Variants in NPAS2 observed in about 807,000 individuals in gnomAD.
The protein encoded by NPAS2 is neuronal PAS domain-containing protein 2.
In NPAS2, 23 loss-of-function variants were observed where a neutral mutation model predicts 107.5. The observed-to-expected ratio is 0.21, with a 90% CI of 0.15 to 0.30. The LOEUF is 0.30. Among genes scored for constraint, NPAS2 ranks in the 10% least tolerant of loss-of-function variants. The pLI, the probability that NPAS2 is intolerant of heterozygous loss-of-function variation, is 1.00. For synonymous variants in NPAS2, 403 were observed against 417.5 expected (o/e 0.97, Z 0.42); for missense variants, 756 against 1,043.3 (o/e 0.72, Z 3.79).
rs2104294544 is a variant in NPAS2, at chr2:100,820,951, T to G, written c.-23+537T>G. ...GGAATCGGTGCCCCCAACCCCCGTG[T>G]GCGCAGACAGCGTGCAGCCTGGCTC... On this transcript the variant is annotated intron_variant, in intron 1 of 20. Coordinates refer to ENST00000335681, the MANE Select transcript of NPAS2 (RefSeq NM_002518.4). This position sits in a 1 kb window ranked among gnomAD's most constrained non-coding sequence, Gnocchi z 5.6. The G allele has an allele frequency of 2.9e-4, 251 of 851,372 alleles. No individual in the cohort carries two copies. Among genetic ancestry groups the G allele is most frequent in the Non-Finnish European group, 3.9e-4 (236 of 609,104 alleles). 52.7% of individuals were successfully genotyped at this position (851,372 alleles called of 1,614,324 possible). A position where few individuals can be genotyped will look rare whatever the true frequency, so the allele number is the denominator to read the frequency against.
intron 1 of NPAS2, among the ~76,000 whole-genome samples, chr2:100,827,027 A>G (rs1000684486): frequency 2.0e-5 from 3 of 152,202 alleles, no homozygotes; most frequent in Non-Finnish European, 4.4e-5. Flanking sequence ...GAGTGTATCG[A>G]TGGTACATGA....
chr2:100,949,726 A>G (rs1675113511), intron 7 of NPAS2, among the ~76,000 whole-genome samples: 1 of 152,174 alleles, frequency 6.6e-6, no homozygotes, highest in Admixed American at 6.5e-5. Flanking sequence ...TTATTCATTT[A>G]TTTATCTTCG....
chr2:100,819,704 C>T (rs906105957), upstream of NPAS2, among the ~76,000 whole-genome samples: 10 of 151,770 alleles, frequency 6.6e-5, no homozygotes, highest in African/African-American at 1.9e-4. This position sits in a 1 kb window ranked among gnomAD's most constrained non-coding sequence, Gnocchi z 5.8. Flanking sequence ...ATTCCTTGTT[C>T]CCCCCGAGTG....
chr2:100,841,161 G>A (rs1009370966), intron 1 of NPAS2, among the ~76,000 whole-genome samples: 4 of 152,148 alleles, frequency 2.6e-5, no homozygotes, highest in African/African-American at 7.2e-5. Context: ...TAGACTGGGC[G>A]CGACAGCTCA....
At chr2:100,956,240 G>C (rs1272495952) in intron 7 of NPAS2, among the ~76,000 whole-genome samples, 1 of 152,060 alleles carries the variant, frequency 6.6e-6, no homozygotes, top group Non-Finnish European at 1.5e-5. Flanking sequence ...TACATGTGCA[G>C]GTCTGTCACA....
At chr2:100,975,214 C>G (rs1676898658) in intron 13 of NPAS2, 1 of 572,422 alleles carries the variant, frequency 1.7e-6, no homozygotes, top group Non-Finnish European at 3.1e-6. Flanking sequence ...TCTGGGGAGG[C>G]GTCTGATCAG....
Position 100,968,787 on chromosome 2 carries a change from C to T in NPAS2, c.1055+359C>T, listed in dbSNP as rs138042850. 1.3e-5 allele frequency among the ~76,000 whole-genome samples: 2 copies of T among 152,214 alleles called. No individual in the cohort carries two copies. The highest frequency in any genetic ancestry group is 2.1e-4 in the South Asian group (1 of 4,828). Reference sequence around the variant, plus strand: ...ATCCAGCCCACAGCCTTCCCTTGTTCCTGCTTTGAGTAGAAAATTTAAATT... The same window carrying T: ...ATCCAGCCCACAGCCTTCCCTTGTTTCTGCTTTGAGTAGAAAATTTAAATT... On this transcript the variant is annotated intron_variant, in intron 11 of 20. Transcript: ENST00000335681. The surrounding 1 kb of genome is among the most constrained non-coding windows in gnomAD (Gnocchi z 5.3).
chr2:100,934,314 C>CT (rs11380504), intron 4 of NPAS2, among the ~76,000 whole-genome samples: 50,287 of 147,198 alleles, frequency 0.34, 9,507 homozygotes, highest in East Asian at 0.67. Context: ...GTAGCACAAC[C>CT]TTTTTTTTTT....
At chr2:100,979,839 A>C (rs145882068) in intron 15 of NPAS2, among the ~76,000 whole-genome samples, 4 of 152,098 alleles carry the variant, frequency 2.6e-5, no homozygotes, top group African/African-American at 9.7e-5. Context: ...CAATAACTAT[A>C]TTCTTTAAGA....
intron 1 of NPAS2, among the ~76,000 whole-genome samples, chr2:100,873,740 G>C (rs1403600343): frequency 6.6e-6 from 1 of 152,090 alleles, no homozygotes; most frequent in Non-Finnish European, 1.5e-5. Context: ...AGTGGATTAG[G>C]ATTGCAGTTT....
At chr2:100,911,219 T>C (rs1402307432) in intron 2 of NPAS2, among the ~76,000 whole-genome samples, 1 of 152,130 alleles carries the variant, frequency 6.6e-6, no homozygotes, top group Non-Finnish European at 1.5e-5. Flanking sequence ...AAAAACATAG[T>C]GGCAAGAAAA....
chr2:100,934,413 G>A (rs1432396348), intron 4 of NPAS2, among the ~76,000 whole-genome samples: 5 of 151,952 alleles, frequency 3.3e-5, no homozygotes, highest in Non-Finnish European at 1.5e-5. Flanking sequence ...GCTAGAAGAC[G>A]GGACTGAGAT....
intron 1 of NPAS2, among the ~76,000 whole-genome samples, chr2:100,904,073 G>A (rs1407371819): frequency 6.6e-6 from 1 of 152,140 alleles, no homozygotes; most frequent in East Asian, 1.9e-4. Context: ...CCCTAAGGGA[G>A]GAACTGCGGA....
In NPAS2 at chr2:100,842,081, G is replaced by GCA. The variant is rs59267718; in HGVS notation, c.-23+21695_-23+21696dup. On this transcript the variant is annotated intron_variant, in intron 1 of 20. Transcript: ENST00000335681. ...TTCATGCATGAGTGTGCATGTACGC[G>GCA]CACACACACACACACACACACACAC... Among the ~76,000 whole-genome samples the GCA allele has an allele frequency of 7.3e-3, 1,092 of 148,874 alleles. 6 individuals are homozygous for GCA. The highest frequency in any genetic ancestry group is 0.032 in the South Asian group (149 of 4,696).
chr2:100,883,024 G>A (rs1036011394), intron 1 of NPAS2, among the ~76,000 whole-genome samples: 1 of 152,156 alleles, frequency 6.6e-6, no homozygotes, highest in Admixed American at 6.5e-5. Flanking sequence ...TAACCAGCAG[G>A]TAATCACTTG....
intron 5 of NPAS2, among the ~76,000 whole-genome samples, chr2:100,944,493 T>G (rs1482804095): frequency 6.6e-6 from 1 of 152,186 alleles, no homozygotes; most frequent in African/African-American, 2.4e-5. Flanking sequence ...TAAAGACGGC[T>G]GTGGATGGCA....
chr2:100,957,826 A>C lies in NPAS2; in HGVS notation c.599-6232A>C, dbSNP rs367550805. Among the ~76,000 whole-genome samples, 8 of 152,098 alleles carry C rather than the reference A, an allele frequency of 5.3e-5. 1 individual carries two copies. Among genetic ancestry groups the C allele is most frequent in the Admixed American group, 5.2e-4 (8 of 15,260 alleles). ...GCCTGTAGTCCCAGCTACTCGGGAG[A>C]CTGAGGCAGGAGAATGGCGTGAACC... On this transcript the variant is annotated intron_variant, in intron 7 of 20. Transcript: ENST00000335681.
At chr2:100,890,001 G>A (rs1033302370) in intron 1 of NPAS2, among the ~76,000 whole-genome samples, 1 of 152,114 alleles carries the variant, frequency 6.6e-6, no homozygotes, top group African/African-American at 2.4e-5. Context: ...GAAGGATTGA[G>A]GTTTTCCTTG....
intron 16 of NPAS2, 136 bp downstream of exon 16, chr2:100,982,513 A>G: frequency 3.0e-6 from 3 of 1,008,394 alleles, no homozygotes; most frequent in African/African-American, 3.2e-5. Flanking sequence ...ATGAAAGCAT[A>G]TTGCAGTCTC....
Sources: allele counts gnomAD v4.1 joint callset (sites outside exome capture counted in the v4.1 genomes callset), GRCh38; gene constraint gnomAD v4.1.1; non-coding constraint Gnocchi (gnomAD v3.1); transcripts MANE v1.5; gene names NCBI Gene and HGNC (gene_info 2026-07-23, HGNC 2026-07-21).